Variants in FRMPD2 observed in about 807,000 individuals in gnomAD.
FRMPD2 encodes FERM and PDZ domain-containing protein 2.
FRMPD2 carries 96 observed loss-of-function variants against 140.1 expected under a neutral mutation model. The ratio of observed to expected loss-of-function variants is 0.69; its 90% confidence interval spans 0.58 to 0.81. FRMPD2 has a LOEUF of 0.81. FRMPD2 is among the 40% of genes least tolerant of loss of function. The probability of loss-of-function intolerance (pLI) is 0.00; values close to 1 mark genes in which losing one functional copy is unlikely to be tolerated. For missense variants in FRMPD2, 1,240 were observed against 1,447.4 expected, an observed-to-expected ratio of 0.86 and a Z score of 2.32; for synonymous variants, 449 against 547.6, an observed-to-expected ratio of 0.82 and a Z score of 2.52.
At chr10:48,206,500 G>C (rs945011947) in intron 14 of FRMPD2, among the ~76,000 whole-genome samples, 1 of 152,102 alleles carries the variant, frequency 6.6e-6, no homozygotes, top group African/African-American at 2.4e-5. Context: ...GCTGTTCATG[G>C]GGATATGTGG....
chr10:48,235,984 A>G (rs1839957476), intron 9 of FRMPD2, among the ~76,000 whole-genome samples: 1 of 151,268 alleles, frequency 6.6e-6, no homozygotes, highest in Non-Finnish European at 1.5e-5. Flanking sequence ...CCACTTTCCT[A>G]TCTAAAAGAG....
intron 13 of FRMPD2, among the ~76,000 whole-genome samples, chr10:48,207,806 A>G (rs921950127): frequency 7.2e-5 from 11 of 151,990 alleles, no homozygotes; most frequent in Admixed American, 1.3e-4. Flanking sequence ...CCTACCCCCA[A>G]CCAGAGAGCA....
chr10:48,258,283 T>C (rs1267926238), intron 1 of FRMPD2, among the ~76,000 whole-genome samples: 1 of 152,246 alleles, frequency 6.6e-6, no homozygotes, highest in East Asian at 1.9e-4. Flanking sequence ...GTTAAAGGTG[T>C]CAAGGCTCTT....
At chr10:48,222,489 A>G in intron 11 of FRMPD2, 38 bp from the exon 12 acceptor site, 1 of 1,608,100 alleles carries the variant, frequency 6.2e-7, no homozygotes. Context: ...CTGGGTTGCT[A>G]AGGGAAAGGG....
At chr10:48,198,793 C>T (rs1839011865) in intron 15 of FRMPD2, among the ~76,000 whole-genome samples, 1 of 152,182 alleles carries the variant, frequency 6.6e-6, no homozygotes, top group Admixed American at 6.5e-5. Context: ...AGATTGTTCA[C>T]CTTCCTGATT....
At chr10:48,240,336 G>A (rs760069646) in intron 6 of FRMPD2, 24 bp downstream of exon 6, 2 of 1,606,160 alleles carry the variant, frequency 1.2e-6, no homozygotes, top group Non-Finnish European at 1.7e-6. Flanking sequence ...GCCCACGCAG[G>A]GACTGCTTAG....
At chr10:48,241,097 A>G (rs1025906576) in intron 5 of FRMPD2, among the ~76,000 whole-genome samples, 2 of 152,196 alleles carry the variant, frequency 1.3e-5, no homozygotes, top group African/African-American at 2.4e-5. Context: ...TCAAATAAAT[A>G]TAGTCCATTT....
intron 13 of FRMPD2, among the ~76,000 whole-genome samples, chr10:48,207,837 C>T (rs563608760): frequency 7.9e-5 from 12 of 152,260 alleles, no homozygotes; most frequent in Non-Finnish European, 1.6e-4. Flanking sequence ...TCCAATCTCT[C>T]TCACCCCCAG....
intron 12 of FRMPD2, among the ~76,000 whole-genome samples, chr10:48,220,724 A>G (rs975675130): frequency 1.3e-5 from 2 of 152,174 alleles, no homozygotes; most frequent in African/African-American, 4.8e-5. Flanking sequence ...CCTACAAAGA[A>G]CTCAAACAAA....
chr10:48,220,853 A>G (rs1839569529), intron 12 of FRMPD2, among the ~76,000 whole-genome samples: 1 of 152,202 alleles, frequency 6.6e-6, no homozygotes, highest in Non-Finnish European at 1.5e-5. Context: ...CCACATCACT[A>G]ATGATCAAGG....
chr10:48,217,010 C>T (rs994736002), intron 12 of FRMPD2, among the ~76,000 whole-genome samples: 4 of 152,146 alleles, frequency 2.6e-5, no homozygotes, highest in African/African-American at 9.7e-5. Context: ...GAGGGCCAGG[C>T]CAGCTCTGAG....
chr10:48,210,465 G>C (rs139151748), intron 13 of FRMPD2, among the ~76,000 whole-genome samples: 14 of 152,316 alleles, frequency 9.2e-5, no homozygotes, highest in African/African-American at 3.4e-4. Flanking sequence ...AGTGAGATCA[G>C]CACTCAAAGT....
At position 48,251,567 on chromosome 10, in the gene FRMPD2, G is replaced by A. The variant is rs166815; in HGVS notation, c.150C>T (p.Asn50=). Residue 50 remains asparagine (N), a splice_region_variant and synonymous_variant, in exon 2 of 29, where the codon AAC becomes AAT. Transcript: ENST00000374201. ...GACTGCCCCCAAACACTCTCTTACC[G>A]TTGCGGAGGTCTTCCAGGAGCTGCT... The part of the protein sequence containing the change: ...AAEQLLEDLR[N]DSSDYVVCPW... The A allele has an allele frequency of 9.2e-3, 14,821 of 1,614,072 alleles. 999 individuals are homozygous for A. The African/African-American group carries it at 0.16, about 17-fold the overall frequency.
chr10:48,257,245 C>G lies in FRMPD2; in HGVS notation c.26-5554G>C, dbSNP rs112480083. 1.7e-3 allele frequency among the ~76,000 whole-genome samples: 255 copies of G among 151,022 alleles called. 2 individuals are homozygous for G. Among genetic ancestry groups the G allele is most frequent in the African/African-American group, 6.0e-3 (248 of 41,152 alleles). On this transcript the variant is annotated intron_variant, in intron 1 of 28. Coordinates refer to ENST00000374201, the MANE Select transcript of FRMPD2 (RefSeq NM_001018071.4). ...ACAAATCAGGATGTGGATACCTTTA[C>G]GGTTTTTATTTTTTTATTTTTTTAT...
At chr10:48,225,293 G>T (rs947921753) in intron 10 of FRMPD2, among the ~76,000 whole-genome samples, 5 of 152,306 alleles carry the variant, frequency 3.3e-5, no homozygotes, top group African/African-American at 7.2e-5. Flanking sequence ...GGCCATGAGG[G>T]AGGGGCACTC....
At position 48,249,004 on chromosome 10, in the gene FRMPD2, G is replaced by A. The variant is rs770250911; in HGVS notation, c.309+17C>T. On this transcript the variant is annotated intron_variant, in intron 3 of 28. Coordinates refer to ENST00000374201, the MANE Select transcript of FRMPD2 (RefSeq NM_001018071.4). ...GGGCACAGGACTCAGAAGTTGCAGA[G>A]TAGCTGCACAGCTTACCTGAGATGC... 2 of 1,594,578 alleles carry A rather than the reference G, an allele frequency of 1.3e-6. No homozygotes were observed. Among genetic ancestry groups the A allele is most frequent in the Non-Finnish European group, 1.7e-6 (2 of 1,168,524 alleles).
chr10:48,225,086 C>T (rs534604228), intron 10 of FRMPD2, among the ~76,000 whole-genome samples: 1 of 152,264 alleles, frequency 6.6e-6, no homozygotes, highest in East Asian at 1.9e-4. Context: ...TAGAGGAACA[C>T]TGAGATATGA....
At chr10:48,231,991 A>T in intron 10 of FRMPD2, 124 bp downstream of exon 10, 2 of 779,286 alleles carry the variant, frequency 2.6e-6, no homozygotes, top group Non-Finnish European at 4.4e-6. Context: ...ACTAATGTCT[A>T]GGCATACAAA....
At position 48,223,135 on chromosome 10, in the gene FRMPD2, T is replaced by A. The variant is rs1839645266; in HGVS notation, c.1304A>T (p.Tyr435Phe). The A allele has an allele frequency of 6.2e-7, 1 of 1,613,654 alleles. No homozygotes were observed. Among genetic ancestry groups the A allele is most frequent in the South Asian group, 1.1e-5 (1 of 90,986 alleles). Reference sequence around the variant, plus strand: ...TTGCAGCACTCACTGGAGCAGCCCATAGTGGCTGACAAAGAACTTTATCCT... The same window carrying A: ...TTGCAGCACTCACTGGAGCAGCCCAAAGTGGCTGACAAAGAACTTTATCCT... ...FLRIKFFVSH[Y>F]GLLQHSLTRH... Residue 435 changes from tyrosine (Y) to phenylalanine (F), a missense_variant, in exon 11 of 29, where the codon TAT becomes TTT. Tyr to Phe is a conservative substitution (Grantham distance 22). This residue lies in a region of FRMPD2 where 1,161 missense variants were observed against 1,055.9 expected (regional missense o/e 1.10). Coordinates refer to ENST00000374201, the MANE Select transcript of FRMPD2 (RefSeq NM_001018071.4).
Sources: allele counts gnomAD v4.1 joint callset (sites outside exome capture counted in the v4.1 genomes callset), GRCh38; gene constraint gnomAD v4.1.1; regional missense constraint gnomAD v4.1.1; transcripts MANE v1.5; gene names NCBI Gene and HGNC (gene_info 2026-07-23, HGNC 2026-07-21).